The following ALOXE3 variants were observed in gnomAD, a reference collection of about 807,000 sequenced individuals.
The protein encoded by ALOXE3 is hydroperoxide isomerase ALOXE3.
A neutral mutation model predicts 87.5 loss-of-function variants in ALOXE3; 78 were observed. That is an observed-to-expected ratio of 0.89 (90% CI 0.74 to 1.08). The LOEUF (loss-of-function observed/expected upper bound fraction) is 1.08, where lower values mean the gene tolerates loss of function less well. Among genes scored for constraint, ALOXE3 ranks in the 50% least tolerant of loss-of-function variants. The pLI is 0.00. For synonymous variants in ALOXE3, 363 were observed against 370.8 expected (o/e 0.98, Z 0.24); for missense variants, 946 against 912.4 (o/e 1.04, Z -0.47).
At position 8,110,581 on chromosome 17, in the gene ALOXE3, C is replaced by T. The variant is rs373645372; in HGVS notation, c.958-53G>A. On this transcript the variant is annotated intron_variant, in intron 8 of 15. Transcript: ENST00000448843. ...TCCCTCCCTACTCGCGCTCCACTTC[C>T]CTCCCATTTCCCTGCCCACTTCCAC... 391 of 1,601,424 alleles carry T rather than the reference C, an allele frequency of 2.4e-4. No homozygotes were observed. In the African/African-American group the frequency reaches 5.4e-3, roughly 22 times the overall value.
intron 15 of ALOXE3, among the ~76,000 whole-genome samples, chr17:8,097,868 C>T (rs1978648555): frequency 1.3e-5 from 2 of 151,790 alleles, no homozygotes; most frequent in Admixed American, 6.6e-5. Flanking sequence ...CTGCCTCAGC[C>T]TCCCGAGTAG....
rs1979470784 is a variant in ALOXE3 at position 8,107,828 on chromosome 17, AG to A, written c.1684+639del. Among the ~76,000 whole-genome samples, 2 of 2,244 alleles carry A rather than the reference AG, an allele frequency of 8.9e-4. 1 individual carries two copies. The highest frequency in any genetic ancestry group is 2.9e-3 in the African/African-American group (2 of 696). The allele number at this position is 2,244 out of a possible 152,430, so 1.5% of individuals were successfully genotyped here. On this transcript the variant is annotated intron_variant, in intron 13 of 15. Coordinates refer to ENST00000448843, the MANE Select transcript of ALOXE3 (RefSeq NM_021628.3). Reference sequence around the variant, plus strand: ...AAAAAAACAAGAAAGAAAGAAAGAAAGAAAGAAAGAAAGAAAGAAAGAAAGA... The same window carrying A: ...AAAAAAACAAGAAAGAAAGAAAGAAAAAAGAAAGAAAGAAAGAAAGAAAGA...
At chr17:8,104,333 G>T in intron 13 of ALOXE3, 118 bp from the exon 14 acceptor site, 1 of 746,298 alleles carries the variant, frequency 1.3e-6, no homozygotes, top group South Asian at 1.5e-5. Flanking sequence ...ACCGAGCCAT[G>T]ACTGTCTTGT....
chr17:8,107,929 GAAA>G lies in ALOXE3; in HGVS notation c.1684+536_1684+538del, dbSNP rs1979553218. On this transcript the variant is annotated intron_variant, in intron 13 of 15. Transcript: ENST00000448843. Reference sequence around the variant, plus strand: ...AGAAAGAAAGAAAGAAAGAAAGAAAGAAAGAAAGAAAGAAAGAAAGAAAGAAAG... The same window carrying G: ...AGAAAGAAAGAAAGAAAGAAAGAAAGGAAAGAAAGAAAGAAAGAAAGAAAG... 7.5e-4 allele frequency among the ~76,000 whole-genome samples: 4 copies of G among 5,346 alleles called. 1 individual carries two copies. The highest frequency in any genetic ancestry group is 3.8e-3 in the African/African-American group (4 of 1,064). 3.5% of individuals were successfully genotyped at this position (5,346 alleles called of 152,430 possible).
chr17:8,114,931 T>A lies in ALOXE3; in HGVS notation c.554+7A>T. 6.2e-7 allele frequency: 1 copy of A among 1,613,958 alleles called. No individual in the cohort carries two copies. The highest frequency in any genetic ancestry group is 1.1e-5 in the South Asian group (1 of 91,062). On this transcript the variant is annotated splice_region_variant and intron_variant, in intron 5 of 15. Coordinates refer to ENST00000448843, the MANE Select transcript of ALOXE3 (RefSeq NM_021628.3). ...CTTTCCCCTCCTTCCCAAGCTTTAA[T>A]CTTCACCTGTCACCCTGGTCTACAC...
intron 9 of ALOXE3, 21 bp downstream of exon 9, chr17:8,110,364 G>A (rs566819511): frequency 9.1e-5 from 146 of 1,604,772 alleles, no homozygotes; most frequent in Admixed American, 1.3e-4. Flanking sequence ...CCCCATCCCG[G>A]GGCGGCGGCG....
intron 6 of ALOXE3, among the ~76,000 whole-genome samples, chr17:8,113,259 C>T (rs537510669): frequency 7.9e-4 from 120 of 152,326 alleles, no homozygotes; most frequent in African/African-American, 2.6e-3. Flanking sequence ...CATATATTAT[C>T]CCCATTATAC....
intron 15 of ALOXE3, among the ~76,000 whole-genome samples, chr17:8,101,268 TCCACCCACC>T (rs1978906559): frequency 2.0e-5 from 3 of 152,290 alleles, no homozygotes; most frequent in Non-Finnish European, 4.4e-5. Flanking sequence ...CCTCAGGTGA[TCCACCCACC>T]TCGGCCTCCC....
rs1980816847 is a variant in ALOXE3 at position 8,118,496 on chromosome 17, ACGTGTGAATCATC to A, written c.-337_-325del. 6 of 1,542,728 alleles carry A rather than the reference ACGTGTGAATCATC, an allele frequency of 3.9e-6. No homozygotes were observed. Among genetic ancestry groups the A allele is most frequent in the Non-Finnish European group, 5.2e-6 (6 of 1,144,986 alleles). On this transcript the variant is annotated 5_prime_UTR_variant, in exon 1 of 16. An upstream start codon of the reference 5' UTR is lost. Transcript: ENST00000448843. ...ATGAGCACAGGGCACCTGCATTCCT[ACGTGTGAATCATC>A]CGTGTGAATCACTAAACAGTGGAGA...
intron 13 of ALOXE3, among the ~76,000 whole-genome samples, chr17:8,107,904 A>G (rs1567996417): frequency 1.5e-3 from 10 of 6,602 alleles, no homozygotes; most frequent in East Asian, 3.4e-3. Context: ...AAAGAAAGAA[A>G]GAAAGAAAGA....
chr17:8,118,199 T>A lies in ALOXE3; in HGVS notation c.-209A>T, dbSNP rs1163374376. On this transcript the variant is annotated 5_prime_UTR_variant, in exon 2 of 16. Coordinates refer to ENST00000448843, the MANE Select transcript of ALOXE3 (RefSeq NM_021628.3). The stretch of plus-strand genomic sequence containing the variant: ...CTCCCTGCTGGCGGCTCGGGCTTCC[T>A]CTCTCCGCCCACAGTCTTGCACTCT... The A allele has an allele frequency of 1.9e-6, 3 of 1,551,424 alleles. No individual in the cohort carries two copies. Among genetic ancestry groups the A allele is most frequent in the Non-Finnish European group, 2.6e-6 (3 of 1,146,984 alleles).
chr17:8,111,872 C>A (rs911149448), intron 7 of ALOXE3, among the ~76,000 whole-genome samples: 1 of 152,114 alleles, frequency 6.6e-6, no homozygotes, highest in Non-Finnish European at 1.5e-5. Flanking sequence ...CAGAGTGTCT[C>A]TCTCTCCTGA....
chr17:8,096,568 G>A lies in ALOXE3; in HGVS notation c.*59C>T. ...GGATGGAAGGGTCTGGAGGACCTGA[G>A]GAACTGGTCCTCCTCATGCTTGGAC... On this transcript the variant is annotated 3_prime_UTR_variant, in exon 16 of 16. Coordinates refer to ENST00000448843, the MANE Select transcript of ALOXE3 (RefSeq NM_021628.3). 1.2e-6 allele frequency: 1 copy of A among 846,492 alleles called. No homozygotes were observed. 52.4% of individuals were successfully genotyped at this position (846,492 alleles called of 1,614,324 possible). A position where few individuals can be genotyped will look rare whatever the true frequency, so the allele number is the denominator to read the frequency against.
In ALOXE3 at chr17:8,116,808, C is replaced by T. The variant is rs1568005522; in HGVS notation, c.320G>A (p.Gly107Asp). The T allele has an allele frequency of 6.2e-7, 1 of 1,614,234 alleles. No individual in the cohort carries two copies. The highest frequency in any genetic ancestry group is 8.5e-7 in the Non-Finnish European group (1 of 1,180,038). ...TGGCCTCAGCTCCACGGTGCAGTAG[C>T]CTTCAATCCACTGATAGCAGGGGAA... ...SHFPCYQWIE[G>D]YCTVELRPGT... Residue 107 changes from glycine to aspartate, a missense_variant, in exon 3 of 16, where the codon GGC becomes GAC. Physicochemically the swap from Gly to Asp is moderately conservative, Grantham distance 94. Transcript: ENST00000448843.
At chr17:8,117,744 C>T in intron 2 of ALOXE3, 100 bp downstream of exon 2, 2 of 1,540,338 alleles carry the variant, frequency 1.3e-6, no homozygotes, top group African/African-American at 1.4e-5. Context: ...GGGCCGGTAT[C>T]CTGAGTTCAG....
rs779528949 is a variant in ALOXE3, at chr17:8,116,787, C to G, written c.341G>C (p.Arg114Thr). Reference sequence around the variant, plus strand: ...CGTCTCTGGCCCACCTGTTCCTGGCCTCAGCTCCACGGTGCAGTAGCCTTC... The same window carrying G: ...CGTCTCTGGCCCACCTGTTCCTGGCGTCAGCTCCACGGTGCAGTAGCCTTC... ...WIEGYCTVEL[R>T]PGTARTICQD... The change falls in exon 3 of 16, where the codon AGG becomes ACG. Residue 114 changes from arginine (R) to threonine (T), a missense_variant. Arg to Thr is a moderately conservative substitution (Grantham distance 71). Transcript: ENST00000448843. The G allele has an allele frequency of 6.2e-7, 1 of 1,614,210 alleles. No homozygotes were observed. Among genetic ancestry groups the G allele is most frequent in the Non-Finnish European group, 8.5e-7 (1 of 1,180,038 alleles).
In ALOXE3 at chr17:8,103,702, A is replaced by G. The variant is rs1003824034; in HGVS notation, c.1786-209T>C. Among the ~76,000 whole-genome samples the G allele has an allele frequency of 2.6e-5, 4 of 151,974 alleles. No individual in the cohort carries two copies. The East Asian group carries it at 7.7e-4, about 29-fold the overall frequency. On this transcript the variant is annotated intron_variant, in intron 14 of 15. Transcript: ENST00000448843. ...GAGTGGAAAGTCCCAGAAGTGGGGCAGGAAGCCAGCTTACTCCTTGTCACT... is the reference window on the plus strand; with the variant it reads ...GAGTGGAAAGTCCCAGAAGTGGGGCGGGAAGCCAGCTTACTCCTTGTCACT...
At chr17:8,118,915 C>T, upstream of ALOXE3, 5 of 1,464,510 alleles carry the variant, frequency 3.4e-6, no homozygotes, top group South Asian at 7.0e-5. Flanking sequence ...GCGGCCGGTT[C>T]CGGCGCCGCA....
chr17:8,114,817 C>T, intron 5 of ALOXE3, 121 bp downstream of exon 5: 1 of 1,516,644 alleles, frequency 6.6e-7, no homozygotes, highest in Non-Finnish European at 9.1e-7. Flanking sequence ...CATCCTGATG[C>T]TTGAATGAAA....
Sources: gnomAD v4.1 joint callset for allele counts (sites outside exome capture counted in the v4.1 genomes callset) on GRCh38, gnomAD v4.1.1 for gene constraint, MANE v1.5 for transcripts, NCBI Gene and HGNC (gene_info 2026-07-23, HGNC 2026-07-21) for gene names.